Variants in CSF2RA observed in about 807,000 individuals in gnomAD.
The protein encoded by CSF2RA is granulocyte-macrophage colony-stimulating factor receptor subunit alpha.
CSF2RA carries 42 observed loss-of-function variants against 51.6 expected under a neutral mutation model. The ratio of observed to expected loss-of-function variants is 0.81; its 90% CI spans 0.64 to 1.05. The LOEUF is 1.05. CSF2RA is among the 50% of genes least tolerant of loss of function. The pLI, the probability that CSF2RA is intolerant of heterozygous loss-of-function variation, is 0.00. For missense variants in CSF2RA, 530 were observed against 501.1 expected (o/e 1.06, Z -0.55); for synonymous variants, 222 against 193.0 (o/e 1.15, Z -1.24).
At position 1,305,518 on chromosome X, in the gene CSF2RA, G is replaced by A. The variant is rs754054970; in HGVS notation, c.1116G>A (p.Val372=). 2 of 1,613,972 alleles carry A rather than the reference G, an allele frequency of 1.2e-6. No individual in the cohort carries two copies. The highest frequency in any genetic ancestry group is 2.2e-5 in the East Asian group (1 of 44,882). ...ACAAACTGAATGATAACCATGAGGT[G>A]GAAGACGAGGTAGGCAGGGGTGGGC... ...IKDKLNDNHE[V]EDEIIWEEFT... Residue 372 remains valine, a synonymous_variant, in exon 12 of 13, where the codon GTG becomes GTA. Transcript: ENST00000381529.
chrX:1,281,372 TCTC>T (rs1247249639), intron 2 of CSF2RA, among the ~76,000 whole-genome samples: 5 of 56,102 alleles, frequency 8.9e-5, no homozygotes, highest in African/African-American at 1.5e-4. Context: ...TCCTCCTCCT[TCTC>T]CTCCTCCTCC....
intron 3 of CSF2RA, among the ~76,000 whole-genome samples, chrX:1,283,494 CTT>C (rs2090297562): frequency 8.4e-6 from 1 of 118,410 alleles, no homozygotes; most frequent in Non-Finnish European, 1.7e-5. Context: ...CTCTTTCTTT[CTT>C]TCTTTCTCCT....
chrX:1,298,867 G>GACA (rs1569508064), intron 9 of CSF2RA, among the ~76,000 whole-genome samples: 1 of 152,090 alleles, frequency 6.6e-6, no homozygotes, highest in East Asian at 1.9e-4. Context: ...ACAAGAAGGA[G>GACA]AGCCTGCCCC....
At chrX:1,315,345 G>C (rs71214317), downstream of CSF2RA, among the ~76,000 whole-genome samples, 1 of 152,052 alleles carries the variant, frequency 6.6e-6, no homozygotes, top group African/African-American at 2.4e-5. Context: ...ACAGATAATA[G>C]CTAGATACAT....
chrX:1,273,044 T>C (rs2088657352), intron 1 of CSF2RA, among the ~76,000 whole-genome samples: 1 of 151,812 alleles, frequency 6.6e-6, no homozygotes, highest in Non-Finnish European at 1.5e-5. Context: ...GGTCTCGAAC[T>C]CCTGACCTCA....
intron 7 of CSF2RA, among the ~76,000 whole-genome samples, chrX:1,292,254 G>A (rs1157510099): frequency 6.6e-6 from 1 of 152,218 alleles, no homozygotes; most frequent in Non-Finnish European, 1.5e-5. Context: ...GTAGACAGGA[G>A]GAGACCCTGC....
chrX:1,269,321 G>GT (rs2147964481), intron 1 of CSF2RA, among the ~76,000 whole-genome samples: 1 of 152,182 alleles, frequency 6.6e-6, no homozygotes, highest in Non-Finnish European at 1.5e-5. Flanking sequence ...TCCGGAAGCC[G>GT]TTTCGAGAGA....
Position 1,300,529 on chromosome X carries a change from T to C in CSF2RA, c.849T>C (p.Phe283=), listed in dbSNP as rs754199482. 5 of 1,613,774 alleles carry C rather than the reference T, an allele frequency of 3.1e-6. No homozygotes were observed. In the African/African-American group the frequency reaches 6.7e-5, roughly 22 times the overall value. Residue 283 remains phenylalanine, a synonymous_variant, in exon 10 of 13, where the codon TTT becomes TTC. Coordinates refer to ENST00000381529, the MANE Select transcript of CSF2RA (RefSeq NM_172245.4). ...GTGATTTGGAAAATAGATACAACTT[T>C]CCAAGCTCTGAGCCCAGAGCAAAAC... ...VSGDLENRYN[F]PSSEPRAKHS... is the part of the protein sequence containing the mutation.
At chrX:1,277,987 A>G (rs1308293096) in intron 2 of CSF2RA, among the ~76,000 whole-genome samples, 1 of 145,598 alleles carries the variant, frequency 6.9e-6, no homozygotes, top group Non-Finnish European at 1.5e-5. Context: ...AAAAAAAAAA[A>G]AAAAAATTTC....
chrX:1,320,969 A>T, the CSF2RA span, among the ~76,000 whole-genome samples: 4 of 151,574 alleles, frequency 2.6e-5, no homozygotes, highest in Non-Finnish European at 5.9e-5. Flanking sequence ...CCTCCCAAGG[A>T]GCTGGGATTA....
At chrX:1,316,682 C>G in the CSF2RA span, among the ~76,000 whole-genome samples, 8 of 152,204 alleles carry the variant, frequency 5.3e-5, no homozygotes, top group Admixed American at 4.6e-4. Context: ...ATGGGGCTCC[C>G]CAACGCCTGG....
downstream of CSF2RA, among the ~76,000 whole-genome samples, chrX:1,311,364 T>C (rs2084175451): frequency 6.6e-6 from 1 of 151,836 alleles, no homozygotes; most frequent in South Asian, 2.1e-4. Flanking sequence ...GTGGAAGTTG[T>C]TGAGCTTCTC....
chrX:1,282,604 C>T lies in CSF2RA; in HGVS notation c.-26-74C>T, dbSNP rs186474549. 2.6e-4 allele frequency: 288 copies of T among 1,112,436 alleles called. 3 individuals carry two copies. In the East Asian group the frequency reaches 6.3e-3, roughly 24 times the overall value. 68.9% of individuals were successfully genotyped at this position (1,112,436 alleles called of 1,614,324 possible). A position where few individuals can be genotyped will look rare whatever the true frequency, so the allele number is the denominator to read the frequency against. ...TCCTGGGTTTGTTTCCCCAAATCACCTCCCTGGGGTCCCCTGCCAGGAATG... is the reference window on the plus strand; with the variant it reads ...TCCTGGGTTTGTTTCCCCAAATCACTTCCCTGGGGTCCCCTGCCAGGAATG... On this transcript the variant is annotated intron_variant, in intron 2 of 12. Transcript: ENST00000381529.
At chrX:1,309,968 G>A (rs1424750504), downstream of CSF2RA, 1 of 512,770 alleles carries the variant, frequency 2.0e-6, no homozygotes, top group Admixed American at 3.5e-5. Flanking sequence ...CTAACACTTT[G>A]GAGGATTGCT....
the CSF2RA span, among the ~76,000 whole-genome samples, chrX:1,317,973 A>AT: frequency 2.8e-3 from 423 of 148,982 alleles, 5 homozygotes; most frequent in African/African-American, 0.01. Flanking sequence ...TGACTGGCTA[A>AT]TTTTTTTCTT....
chrX:1,282,349 A>C (rs1274402927), intron 2 of CSF2RA: 2 of 360,274 alleles, frequency 5.6e-6, no homozygotes, highest in Admixed American at 4.1e-5. Context: ...AAGTGACTGC[A>C]ATTTCCTTGA....
chrX:1,322,831 G>A, the CSF2RA span, among the ~76,000 whole-genome samples: 1 of 151,904 alleles, frequency 6.6e-6, no homozygotes, highest in Non-Finnish European at 1.5e-5. Flanking sequence ...TGTGATGAAG[G>A]AAAGAATCTG....
chrX:1,309,372 T>C, intron 12 of CSF2RA, 30 bp from the exon 13 acceptor site: 1 of 1,607,276 alleles, frequency 6.2e-7, no homozygotes, highest in Middle Eastern at 1.7e-4. Flanking sequence ...CTCGTGAAGA[T>C]CTGACAGCCT....
intron 9 of CSF2RA, among the ~76,000 whole-genome samples, chrX:1,297,031 C>T (rs1418398239): frequency 1.7e-5 from 1 of 58,290 alleles, no homozygotes; most frequent in Non-Finnish European, 3.2e-5. Flanking sequence ...AGACCCCTGG[C>T]GGAACCCTAC....
Sources: allele counts gnomAD v4.1 joint callset (sites outside exome capture counted in the v4.1 genomes callset), GRCh38; gene constraint gnomAD v4.1.1; transcripts MANE v1.5; gene names NCBI Gene and HGNC (gene_info 2026-07-23, HGNC 2026-07-21).